The following LPIN1 variants were observed in gnomAD, a reference collection of about 807,000 sequenced individuals.
LPIN1 encodes phosphatidate phosphatase LPIN1.
Under a neutral mutation model 107.5 loss-of-function variants are expected in LPIN1, and 71 were observed. That is an observed-to-expected ratio of 0.66 (90% CI 0.55 to 0.80). LPIN1 has a LOEUF of 0.80. Ranked by LOEUF, LPIN1 falls within the 30% of genes least tolerant of loss-of-function variation. The pLI is 0.00. For missense variants in LPIN1, 1,043 were observed against 1,160.6 expected (o/e 0.90, Z 1.47); for synonymous variants, 445 against 452.6 (o/e 0.98, Z 0.21).
At position 11,696,043 on chromosome 2, in the gene LPIN1, C is replaced by T. The variant is rs1413486773; in HGVS notation, c.82-17713C>T. Among the ~76,000 whole-genome samples the T allele has an allele frequency of 2.2e-5, 3 of 138,662 alleles. No homozygotes were observed. The East Asian group carries it at 6.2e-4, about 29-fold the overall frequency. 91.0% of individuals were successfully genotyped at this position (138,662 alleles called of 152,430 possible). On this transcript the variant is annotated intron_variant, in intron 1 of 21. Coordinates refer to the LPIN1 transcript ENST00000449576. ...CCTATGGCTCTGACAGTTGCTGACTCTCCTTTTTTTTTTTTTTTTTTTTAA... is the reference window on the plus strand; with the variant it reads ...CCTATGGCTCTGACAGTTGCTGACTTTCCTTTTTTTTTTTTTTTTTTTTAA...
intron 2 of LPIN1, among the ~76,000 whole-genome samples, chr2:11,715,895 CA>C (rs112030872): frequency 1.3e-5 from 2 of 152,190 alleles, no homozygotes; most frequent in African/African-American, 2.4e-5. Context: ...TAATGGTATA[CA>C]GGGGGCCGGG....
At chr2:11,698,204 T>A (rs1662686170) in intron 1 of LPIN1, among the ~76,000 whole-genome samples, 1 of 152,190 alleles carries the variant, frequency 6.6e-6, no homozygotes, top group African/African-American at 2.4e-5. Flanking sequence ...AGGCTGTCTG[T>A]TCTCCCCTGG....
intron 1 of LPIN1, among the ~76,000 whole-genome samples, chr2:11,760,349 G>T (rs1669596493): frequency 6.6e-6 from 1 of 152,244 alleles, no homozygotes; most frequent in African/African-American, 2.4e-5. Context: ...GGTGGAGGTT[G>T]TAGCGAGCCG....
upstream of LPIN1, chr2:11,721,546 A>G (rs1006277130): frequency 1.3e-5 from 2 of 152,202 alleles, no homozygotes; most frequent in African/African-American, 2.4e-5. Context: ...CAGACTCCAG[A>G]AAGACTTGTG....
At chr2:11,808,424 T>G (rs187281730) in intron 17 of LPIN1, among the ~76,000 whole-genome samples, 35 of 152,328 alleles carry the variant, frequency 2.3e-4, no homozygotes, top group Non-Finnish European at 3.2e-4. Flanking sequence ...GAATCTGTAT[T>G]GTGATTTCTA....
intron 1 of LPIN1, chr2:11,683,096 C>A (rs763834586): frequency 6.6e-6 from 1 of 152,194 alleles, no homozygotes; most frequent in South Asian, 2.1e-4. Flanking sequence ...TCAACAAGGT[C>A]CCTTCCCTGA....
chr2:11,802,128 T>TAGTGA (rs1677863049), intron 14 of LPIN1, among the ~76,000 whole-genome samples: 1 of 150,242 alleles, frequency 6.7e-6, no homozygotes, highest in African/African-American at 2.5e-5. Context: ...TTGAGGCATT[T>TAGTGA]TCAAAGATAG....
intron 9 of LPIN1, chr2:11,784,625 G>A: frequency 3.6e-6 from 2 of 555,568 alleles, no homozygotes; most frequent in Non-Finnish European, 3.2e-6. Flanking sequence ...CAGGGAACAG[G>A]GAGGACAGCT....
chr2:11,819,637 A>G (rs372145029), intron 19 of LPIN1, 39 bp downstream of exon 19: 1 of 1,423,812 alleles, frequency 7.0e-7, no homozygotes, highest in Non-Finnish European at 9.9e-7. Context: ...CCTTGAAATG[A>G]CTGCCTTTTC....
chr2:11,785,168 C>T (rs936581244), intron 10 of LPIN1, 92 bp downstream of exon 10: 2 of 991,706 alleles, frequency 2.0e-6, no homozygotes, highest in East Asian at 5.2e-5. Context: ...GTCAAGGCAG[C>T]TTTTCCCTTG....
intron 11 of LPIN1, among the ~76,000 whole-genome samples, chr2:11,787,421 G>A (rs1217150894): frequency 4.6e-5 from 4 of 87,152 alleles, no homozygotes; most frequent in Non-Finnish European, 8.6e-5. Flanking sequence ...TTTTTTTTGC[G>A]ACAAGGTGTA....
chr2:11,704,318 C>T (rs1055832021), intron 1 of LPIN1, among the ~76,000 whole-genome samples: 4 of 152,202 alleles, frequency 2.6e-5, no homozygotes, highest in African/African-American at 7.2e-5. Flanking sequence ...TCATGTGAAG[C>T]TTAAGCCTTC....
At chr2:11,772,432 A>G (rs1029409166) in intron 4 of LPIN1, among the ~76,000 whole-genome samples, 2 of 152,238 alleles carry the variant, frequency 1.3e-5, no homozygotes, top group African/African-American at 4.8e-5. Context: ...GGAGTCAAGA[A>G]ACAGGAACTG....
intron 14 of LPIN1, among the ~76,000 whole-genome samples, chr2:11,798,830 G>C (rs1677176089): frequency 6.6e-6 from 1 of 150,400 alleles, no homozygotes; most frequent in African/African-American, 2.4e-5. Flanking sequence ...GTGATTGACA[G>C]AATAGTCCCC....
At chr2:11,797,123 C>T (rs6738096) in intron 14 of LPIN1, among the ~76,000 whole-genome samples, 4,525 of 152,276 alleles carry the variant, frequency 0.03, 217 homozygotes, top group African/African-American at 0.098. Flanking sequence ...AGAAATGCCC[C>T]GCTTTCCTGG....
In LPIN1 at chr2:11,805,374, C is replaced by T. The variant is rs113481536; in HGVS notation, c.2249+218C>T. 2,142 of 631,168 alleles carry T rather than the reference C, an allele frequency of 3.4e-3. 35 individuals are homozygous for T. The highest frequency in any genetic ancestry group is 0.033 in the African/African-American group (1,813 of 55,360). 39.1% of individuals were successfully genotyped at this position (631,168 alleles called of 1,614,324 possible). ...GAATTCAATACCAAGAAACAAGGGG[C>T]GAAGTATAGGGGAATTGATTACTAG... On this transcript the variant is annotated intron_variant, in intron 17 of 20. Coordinates refer to ENST00000674199, the MANE Select transcript of LPIN1 (RefSeq NM_001349206.2).
At chr2:11,709,570 T>G (rs534794163) in intron 1 of LPIN1, among the ~76,000 whole-genome samples, 22 of 152,354 alleles carry the variant, frequency 1.4e-4, no homozygotes, top group African/African-American at 5.3e-4. Context: ...ATAATGCTTT[T>G]AGGTCCCGAG....
chr2:11,694,281 C>T (rs1662459690), intron 1 of LPIN1, among the ~76,000 whole-genome samples: 1 of 152,144 alleles, frequency 6.6e-6, no homozygotes, highest in Non-Finnish European at 1.5e-5. Context: ...TGTGAAGAAA[C>T]TAAGGTGAGG....
At chr2:11,759,197 T>G (rs987152084) in intron 1 of LPIN1, among the ~76,000 whole-genome samples, 1 of 151,610 alleles carries the variant, frequency 6.6e-6, no homozygotes, top group East Asian at 1.9e-4. Context: ...TTCTTTTCTT[T>G]CTTTCTTTCT....
Sources: gnomAD v4.1 joint callset for allele counts (sites outside exome capture counted in the v4.1 genomes callset) on GRCh38, gnomAD v4.1.1 for gene constraint, MANE v1.5 for transcripts, NCBI Gene and HGNC (gene_info 2026-07-23, HGNC 2026-07-21) for gene names.